The following CTNNBL1 variants were observed in gnomAD, a reference collection of about 807,000 sequenced individuals.
CTNNBL1 encodes catenin beta like 1.
CTNNBL1 carries 31 observed loss-of-function variants against 72.7 expected under a neutral mutation model. The observed-to-expected ratio is 0.43, with a 90% CI of 0.32 to 0.58. The LOEUF is 0.58. Among genes scored for constraint, CTNNBL1 ranks in the 20% least tolerant of loss-of-function variants. The pLI is 0.08. For missense variants in CTNNBL1, 534 were observed against 725.1 expected, an observed-to-expected ratio of 0.74 and a Z score of 3.03; for synonymous variants, 240 against 267.3, an observed-to-expected ratio of 0.90 and a Z score of 1.00.
intron 10 of CTNNBL1, among the ~76,000 whole-genome samples, chr20:37,792,198 A>C (rs752456304): frequency 1.2e-4 from 19 of 152,146 alleles, no homozygotes; most frequent in Admixed American, 2.0e-4. Context: ...TTCTCTGATC[A>C]GTGTGGCTAG....
At chr20:37,718,437 A>T (rs1241144751) in intron 1 of CTNNBL1, among the ~76,000 whole-genome samples, 1 of 110,948 alleles carries the variant, frequency 9.0e-6, no homozygotes, top group African/African-American at 3.6e-5. Context: ...TCCCTCCCGG[A>T]CGGGGTGGCT....
chr20:37,714,352 G>A (rs912760194), intron 1 of CTNNBL1, among the ~76,000 whole-genome samples: 44 of 152,206 alleles, frequency 2.9e-4, no homozygotes, highest in Admixed American at 6.5e-4. Context: ...TTGAATTTGA[G>A]TCTTCTCTAG....
chr20:37,858,420 A>G (rs2072461778), intron 13 of CTNNBL1, among the ~76,000 whole-genome samples: 3 of 152,198 alleles, frequency 2.0e-5, no homozygotes, highest in Admixed American at 1.3e-4. Flanking sequence ...GCTCTCAGCA[A>G]TTTTAGAAAG....
At chr20:37,825,947 C>A (rs537180469) in intron 11 of CTNNBL1, among the ~76,000 whole-genome samples, 1 of 152,204 alleles carries the variant, frequency 6.6e-6, no homozygotes, top group African/African-American at 2.4e-5. Flanking sequence ...TAGGAAACTA[C>A]AGGCTGGAGT....
chr20:37,746,692 G>A, intron 4 of CTNNBL1, 85 bp downstream of exon 4: 1 of 1,477,764 alleles, frequency 6.8e-7, no homozygotes, highest in Non-Finnish European at 9.5e-7. Flanking sequence ...CTTTGTAGAT[G>A]TGTGCTATAA....
At chr20:37,719,225 G>A (rs2073019165) in intron 1 of CTNNBL1, among the ~76,000 whole-genome samples, 1 of 152,110 alleles carries the variant, frequency 6.6e-6, no homozygotes, top group Non-Finnish European at 1.5e-5. Flanking sequence ...ATTCTGCTTG[G>A]CTGCAGTCAC....
At chr20:37,868,530 C>A (rs773144394) in intron 15 of CTNNBL1, among the ~76,000 whole-genome samples, 1 of 152,190 alleles carries the variant, frequency 6.6e-6, no homozygotes, top group Non-Finnish European at 1.5e-5. Context: ...ATGGGACAGG[C>A]CCTCTTCCAG....
intron 11 of CTNNBL1, among the ~76,000 whole-genome samples, chr20:37,837,061 C>A (rs1346869909): frequency 6.6e-6 from 1 of 152,170 alleles, no homozygotes; most frequent in African/African-American, 2.4e-5. Context: ...CAGCTACTTC[C>A]AACTTGGTTG....
At position 37,703,509 on chromosome 20, in the gene CTNNBL1, C is replaced by G. The variant is rs187429809; in HGVS notation, c.30+9357C>G. Reference sequence around the variant, plus strand: ...TAGAATTTGACTCTGTAACTCTCTTCTTCATCATTTTAGAAGAACTCATTC... The same window carrying G: ...TAGAATTTGACTCTGTAACTCTCTTGTTCATCATTTTAGAAGAACTCATTC... On this transcript the variant is annotated intron_variant, in intron 1 of 15. Transcript: ENST00000361383. Among the ~76,000 whole-genome samples the G allele has an allele frequency of 1.3e-3, 200 of 152,346 alleles. 1 individual carries two copies. Among genetic ancestry groups the G allele is most frequent in the African/African-American group, 4.4e-3 (183 of 41,582 alleles).
intron 11 of CTNNBL1, among the ~76,000 whole-genome samples, chr20:37,827,279 TG>T (rs1254262342): frequency 2.0e-5 from 3 of 152,362 alleles, no homozygotes; most frequent in South Asian, 4.1e-4. Flanking sequence ...AAACATTTTT[TG>T]TACAAGTTTT....
intron 15 of CTNNBL1, among the ~76,000 whole-genome samples, chr20:37,864,712 A>G (rs904970217): frequency 6.6e-6 from 1 of 152,234 alleles, no homozygotes; most frequent in African/African-American, 2.4e-5. Flanking sequence ...CATGTGCTCC[A>G]TGAGAACAGC....
chr20:37,732,966 C>T lies in CTNNBL1; in HGVS notation c.118C>T (p.Arg40Cys), dbSNP rs759081076. ...RKQTGTRERG[R>C]YREEEMTVVE... ...ACAAACTGGTACTCGAGAACGCGGC[C>T]GCTATCGGGAAGAAGAAATGACTGT... Residue 40 changes from arginine to cysteine, a missense_variant, in exon 2 of 16, where the codon CGC becomes TGC. Physicochemically the swap from Arg to Cys is radical, Grantham distance 180. Transcript: ENST00000361383. The T allele has an allele frequency of 1.7e-5, 27 of 1,613,860 alleles. No homozygotes were observed. Among genetic ancestry groups the T allele is most frequent in the African/African-American group, 2.7e-5 (2 of 74,870 alleles).
chr20:37,831,597 A>C (rs1000075110), intron 11 of CTNNBL1, among the ~76,000 whole-genome samples: 4 of 151,914 alleles, frequency 2.6e-5, no homozygotes, highest in African/African-American at 9.7e-5. Flanking sequence ...CGATCTCCTA[A>C]CCTTGTGATC....
chr20:37,774,620 G>A (rs1357986949), intron 7 of CTNNBL1, among the ~76,000 whole-genome samples: 1 of 152,216 alleles, frequency 6.6e-6, no homozygotes, highest in Non-Finnish European at 1.5e-5. Context: ...ACAGCAAAAG[G>A]TGGAGATTTC....
chr20:37,729,454 T>C (rs761436707), intron 1 of CTNNBL1, among the ~76,000 whole-genome samples: 13 of 151,772 alleles, frequency 8.6e-5, no homozygotes, highest in Non-Finnish European at 7.4e-5. Flanking sequence ...TTGGAAGATG[T>C]GTTCAAAAGA....
Position 37,807,273 on chromosome 20 carries a change from TAGACCCC to T in CTNNBL1, c.1213+4229_1213+4235del, listed in dbSNP as rs1460501585. Among the ~76,000 whole-genome samples, 3 of 152,314 alleles carry T rather than the reference TAGACCCC, an allele frequency of 2.0e-5. No homozygotes were observed. The East Asian group carries it at 5.8e-4, about 29-fold the overall frequency. ...TGAGATGACATGTAGATGCTTAGCA[TAGACCCC>T]AGAATAAAGCAGGCACCATAAGAGA... is the stretch of plus-strand genomic sequence containing the variant. On this transcript the variant is annotated intron_variant, in intron 11 of 15. Coordinates refer to ENST00000361383, the MANE Select transcript of CTNNBL1 (RefSeq NM_030877.5).
chr20:37,795,272 A>G (rs1467109984), intron 10 of CTNNBL1, among the ~76,000 whole-genome samples: 1 of 151,680 alleles, frequency 6.6e-6, no homozygotes. Context: ...TCAGCCTTCC[A>G]AGTAGCTGGG....
At chr20:37,828,507 T>C (rs1371071598) in intron 11 of CTNNBL1, among the ~76,000 whole-genome samples, 1 of 152,224 alleles carries the variant, frequency 6.6e-6, no homozygotes, top group Non-Finnish European at 1.5e-5. Flanking sequence ...AAGGCAAATT[T>C]CTTTTGCCAA....
Position 37,860,341 on chromosome 20 carries a change from A to G in CTNNBL1, c.1600A>G (p.Lys534Glu), listed in dbSNP as rs1257106567. 1 of 1,612,186 alleles carries G rather than the reference A, an allele frequency of 6.2e-7. No individual in the cohort carries two copies. The highest frequency in any genetic ancestry group is 8.5e-7 in the Non-Finnish European group (1 of 1,178,300). The change falls in exon 15 of 16, where the codon AAG (lysine) becomes GAG (glutamate). Residue 534 changes from lysine to glutamate, a missense_variant. Lys to Glu is a moderately conservative substitution (Grantham distance 56, BLOSUM62 1). Transcript: ENST00000361383. ...CATCAAAATTGTCAGGCATATCATC[A>G]AGGGTGAGTTGGATGCTACTCATGT... ...SSIKIVRHII[K>E]EYAENIGDGR...
Sources: gnomAD v4.1 joint callset for allele counts (sites outside exome capture counted in the v4.1 genomes callset) on GRCh38, gnomAD v4.1.1 for gene constraint, MANE v1.5 for transcripts, NCBI Gene and HGNC (gene_info 2026-07-23, HGNC 2026-07-21) for gene names.